RERE: variants seen among roughly 807,000 people sequenced by gnomAD.
The protein encoded by RERE is arginine-glutamic acid dipeptide repeats protein.
Under a neutral mutation model 146.1 loss-of-function variants are expected in RERE, and 40 were observed. That is an observed-to-expected ratio of 0.27 (90% CI 0.21 to 0.36). RERE has a LOEUF of 0.36. Among genes scored for constraint, RERE ranks in the 10% least tolerant of loss-of-function variants. The probability of loss-of-function intolerance (pLI) is 1.00; values close to 1 mark genes in which losing one functional copy is unlikely to be tolerated. For synonymous variants in RERE, 1,003 were observed against 866.0 expected (o/e 1.16, Z -2.78); for missense variants, 1,933 against 2,138.7 (o/e 0.90, Z 1.90).
chr1:8,404,881 CCTT>C (rs1420883775), intron 12 of RERE, among the ~76,000 whole-genome samples: 2 of 152,164 alleles, frequency 1.3e-5, no homozygotes, highest in Admixed American at 6.5e-5. Context: ...ACCCCACCCT[CCTT>C]GAGAATGACA....
intron 1 of RERE, among the ~76,000 whole-genome samples, chr1:8,731,557 C>G (rs1640082816): frequency 6.6e-6 from 1 of 151,676 alleles, no homozygotes; most frequent in Non-Finnish European, 1.5e-5. Context: ...ACTCCTTCCC[C>G]AACACCTTTC....
At chr1:8,630,210 C>T (rs567124058) in intron 2 of RERE, among the ~76,000 whole-genome samples, 2 of 152,148 alleles carry the variant, frequency 1.3e-5, no homozygotes, top group East Asian at 3.9e-4. Flanking sequence ...CGCTGAAATC[C>T]CGGTACCCAA....
chr1:8,492,154 A>AT (rs1444620500), intron 10 of RERE, among the ~76,000 whole-genome samples: 4 of 152,226 alleles, frequency 2.6e-5, no homozygotes, highest in African/African-American at 9.6e-5. Flanking sequence ...ATGTCAGGCT[A>AT]GTCTGAAGAG....
At chr1:8,657,837 T>G (rs867810776) in intron 1 of RERE, among the ~76,000 whole-genome samples, 3 of 152,142 alleles carry the variant, frequency 2.0e-5, no homozygotes, top group African/African-American at 7.2e-5. Context: ...AAAGACTCCA[T>G]CTCAATAAAG....
At chr1:8,676,448 AG>A (rs1638841807) in intron 1 of RERE, among the ~76,000 whole-genome samples, 1 of 152,216 alleles carries the variant, frequency 6.6e-6, no homozygotes, top group Non-Finnish European at 1.5e-5. Context: ...GAAGGACTAA[AG>A]TAAGTCACAT....
intron 12 of RERE, among the ~76,000 whole-genome samples, chr1:8,374,758 T>C (rs1223262128): frequency 6.6e-6 from 1 of 152,160 alleles, no homozygotes; most frequent in African/African-American, 2.4e-5. Context: ...TTCTACCATA[T>C]TCCTTTCTAC....
intron 20 of RERE, among the ~76,000 whole-genome samples, chr1:8,357,451 T>C (rs563617189): frequency 4.6e-5 from 7 of 152,312 alleles, no homozygotes; most frequent in Admixed American, 6.5e-5. Context: ...GCTCTATCAG[T>C]CATCCTGCCC....
chr1:8,695,988 TCATTCATCATCAGAGAGA>T (rs1479163880), intron 1 of RERE, among the ~76,000 whole-genome samples: 1 of 152,124 alleles, frequency 6.6e-6, no homozygotes, highest in Non-Finnish European at 1.5e-5. Flanking sequence ...ATGTTTAACA[TCATTCATCATCAGAGAGA>T]TGCAAATCAA....
At chr1:8,720,503 G>C (rs1188966841) in intron 1 of RERE, among the ~76,000 whole-genome samples, 3 of 152,080 alleles carry the variant, frequency 2.0e-5, no homozygotes, top group African/African-American at 7.2e-5. Context: ...AGAGAGAAGA[G>C]AGACAGACAG....
At chr1:8,494,159 CCTTTA>C (rs1645013787) in intron 10 of RERE, among the ~76,000 whole-genome samples, 3 of 152,074 alleles carry the variant, frequency 2.0e-5, no homozygotes, top group African/African-American at 7.2e-5. Flanking sequence ...GCCTCATTTC[CCTTTA>C]CTTTTAATTT....
At chr1:8,399,864 T>C (rs946931089) in intron 12 of RERE, among the ~76,000 whole-genome samples, 3 of 151,966 alleles carry the variant, frequency 2.0e-5, no homozygotes, top group Non-Finnish European at 4.4e-5. Context: ...AGGAATCTTA[T>C]AAACTATAAG....
intron 1 of RERE, among the ~76,000 whole-genome samples, chr1:8,695,239 C>A (rs1189012591): frequency 6.6e-6 from 1 of 152,108 alleles, no homozygotes; most frequent in African/African-American, 2.4e-5. Context: ...GGACCGCTAC[C>A]TTTTCCCATA....
rs775118842 is a variant in RERE, at chr1:8,511,779, C to CT, written c.831-3105dup. ...CTGCTCTCCTCTCTTTTTTCTTTTT[C>CT]TTTTTTTTTTTTTTATCCTGTATCC... is the stretch of plus-strand genomic sequence containing the variant. On this transcript the variant is annotated intron_variant, in intron 7 of 22. Transcript: ENST00000400908. 631 of 141,232 alleles carry CT rather than the reference C, an allele frequency of 4.5e-3. 5 individuals carry two copies. Among genetic ancestry groups the CT allele is most frequent in the Middle Eastern group, 7.5e-3 (2 of 266 alleles). 8.7% of individuals were successfully genotyped at this position (141,232 alleles called of 1,614,324 possible).
chr1:8,597,423 T>G (rs979153674), intron 4 of RERE, among the ~76,000 whole-genome samples: 2 of 152,196 alleles, frequency 1.3e-5, no homozygotes, highest in African/African-American at 2.4e-5. Flanking sequence ...GACATTTGAA[T>G]TCTCAAAGAA....
At chr1:8,595,249 T>G (rs565884988) in intron 4 of RERE, among the ~76,000 whole-genome samples, 3 of 152,034 alleles carry the variant, frequency 2.0e-5, no homozygotes, top group East Asian at 3.9e-4. Flanking sequence ...TCTTTGCCTA[T>G]GTGGGTATCA....
At chr1:8,646,668 A>G (rs547951926) in intron 2 of RERE, among the ~76,000 whole-genome samples, 2 of 152,354 alleles carry the variant, frequency 1.3e-5, no homozygotes, top group East Asian at 1.9e-4. Context: ...CCCTAATCCA[A>G]TATGACTGGC....
At chr1:8,812,182 C>G (rs932615840) in intron 1 of RERE, among the ~76,000 whole-genome samples, 6 of 152,186 alleles carry the variant, frequency 3.9e-5, no homozygotes, top group Non-Finnish European at 7.3e-5. Context: ...AGATAAAACC[C>G]ATGGCTTCGA....
intron 1 of RERE, among the ~76,000 whole-genome samples, chr1:8,783,981 C>A (rs1422993401): frequency 2.0e-5 from 3 of 152,180 alleles, no homozygotes; most frequent in Non-Finnish European, 2.9e-5. Context: ...AAGGAACTAA[C>A]CCTGCCAACC....
chr1:8,606,676 C>T (rs985831145), intron 4 of RERE, among the ~76,000 whole-genome samples: 4 of 152,072 alleles, frequency 2.6e-5, no homozygotes, highest in African/African-American at 9.7e-5. Flanking sequence ...ATTTAAAGGA[C>T]ACACACTTCT....
Sources: gnomAD v4.1 joint callset for allele counts (sites outside exome capture counted in the v4.1 genomes callset) on GRCh38, gnomAD v4.1.1 for gene constraint, MANE v1.5 for transcripts, NCBI Gene and HGNC (gene_info 2026-07-23, HGNC 2026-07-21) for gene names.